EIF3C: variants seen among roughly 807,000 people sequenced by gnomAD.
The protein encoded by EIF3C is eukaryotic translation initiation factor 3 subunit C, also known as cell migration-inducing protein 17.
In EIF3C, 2 loss-of-function variants were observed where a neutral mutation model predicts 11.1. The observed-to-expected ratio is 0.18, with a 90% CI of 0.07 to 0.57. The LOEUF is 0.57. Among genes scored for constraint, EIF3C ranks in the 20% least tolerant of loss-of-function variants. EIF3C has a pLI of 0.92. For synonymous variants in EIF3C, 2 were observed against 41.5 expected, an observed-to-expected ratio of 0.05 and a Z score of 3.66; for missense variants, 16 against 114.6, an observed-to-expected ratio of 0.14 and a Z score of 3.93.
rs1317138831 is a variant in EIF3C, at chr16:28,698,706, A to T, written c.-31+9878A>T. Among the ~76,000 whole-genome samples the T allele has an allele frequency of 1.2e-4, 5 of 42,928 alleles. 1 individual carries two copies. The highest frequency in any genetic ancestry group is 7.6e-5 in the Non-Finnish European group (2 of 26,432). 28.2% of individuals were successfully genotyped at this position (42,928 alleles called of 152,430 possible). ...CAGCTGCCGGGCGGAGGGGCTCCTCACTTCTCAGACGGGGTGGTTGCCAGG... is the reference window on the plus strand; with the variant it reads ...CAGCTGCCGGGCGGAGGGGCTCCTCTCTTCTCAGACGGGGTGGTTGCCAGG... On this transcript the variant is annotated intron_variant, in intron 1 of 20. Transcript: ENST00000566501.
intron 1 of EIF3C, among the ~76,000 whole-genome samples, chr16:28,692,167 C>CT (rs1354755203): frequency 3.0e-5 from 1 of 33,544 alleles, no homozygotes; most frequent in Admixed American, 2.9e-4. Flanking sequence ...CTTTTCTTTT[C>CT]TTTTTTTGTT....
Position 28,723,234 on chromosome 16 carries a change from G to C in EIF3C, c.847G>C (p.Asp283His). ...GGAGGACAAAGCTAAGAAGAAGCAC[G>C]ACAGGAAATCCAAGCGCCTGGATGA... is the stretch of plus-strand genomic sequence containing the variant. ...KREDKAKKKH[D>H]RKSKRLDEEE... The change falls in exon 9 of 21, where the codon GAC becomes CAC. Residue 283 changes from aspartate to histidine, a missense_variant. Asp to His is a moderately conservative substitution (Grantham distance 81). Transcript: ENST00000331666. 3 of 1,614,296 alleles carry C rather than the reference G, an allele frequency of 1.9e-6. No homozygotes were observed. The highest frequency in any genetic ancestry group is 2.5e-6 in the Non-Finnish European group (3 of 1,180,056).
Position 28,697,752 on chromosome 16 carries a change from C to A in EIF3C, c.-31+8924C>A, listed in dbSNP as rs1400973448. Among the ~76,000 whole-genome samples the A allele has an allele frequency of 1.4e-3, 128 of 93,564 alleles. 31 individuals carry two copies. The highest frequency in any genetic ancestry group is 1.8e-3 in the Non-Finnish European group (94 of 52,782). The allele number at this position is 93,564 out of a possible 152,430, so 61.4% of individuals were successfully genotyped here. ...GGCCGGTCAGAGGGGCTCCTCACTT[C>A]CCAGTAGGGGTGGCCGGGCAGAGGC... On this transcript the variant is annotated intron_variant, in intron 1 of 20. Coordinates refer to the EIF3C transcript ENST00000566501.
chr16:28,709,994 CTT>C (rs1276889028), upstream of EIF3C, among the ~76,000 whole-genome samples: 5 of 23,572 alleles, frequency 2.1e-4, no homozygotes, highest in African/African-American at 3.4e-4. Context: ...TTTTTTTTAA[CTT>C]TTTTTTTTTG....
chr16:28,722,828 T>A, intron 8 of EIF3C: 1 of 371,972 alleles, frequency 2.7e-6, no homozygotes, highest in African/African-American at 2.3e-5. Context: ...TAGCTGGGAC[T>A]ACAGGCGTGC....
chr16:28,718,614 G>GTTTTT (rs576228155), intron 8 of EIF3C, among the ~76,000 whole-genome samples: 5 of 45,274 alleles, frequency 1.1e-4, no homozygotes, highest in Non-Finnish European at 9.9e-5. Context: ...CTTGTTTAAA[G>GTTTTT]TTTTTTTTTT....
rs1167126410 is a variant in EIF3C, at chr16:28,693,680, T to C, written c.-31+4852T>C. ...AACACTAACTTTGTTCTTTTTTTTT[T>C]TTTTTTTTCTGAGATAGAGTCTCGC... On this transcript the variant is annotated intron_variant, in intron 1 of 20. Transcript: ENST00000566501. Among the ~76,000 whole-genome samples, 2 of 30,358 alleles carry C rather than the reference T, an allele frequency of 6.6e-5. 1 individual carries two copies. The highest frequency in any genetic ancestry group is 1.1e-4 in the Non-Finnish European group (2 of 17,880). 19.9% of individuals were successfully genotyped at this position (30,358 alleles called of 152,430 possible). A position where few individuals can be genotyped will look rare whatever the true frequency, so the allele number is the denominator to read the frequency against.
At chr16:28,713,053 A>C (rs1466592898) in intron 2 of EIF3C, among the ~76,000 whole-genome samples, 1 of 137,382 alleles carries the variant, frequency 7.3e-6, no homozygotes, top group East Asian at 2.2e-4. Context: ...AGAGGCAGGC[A>C]AGATGGTGCA....
intron 1 of EIF3C, among the ~76,000 whole-genome samples, chr16:28,698,259 A>AC (rs1169783314): frequency 2.6e-5 from 2 of 76,740 alleles, no homozygotes; most frequent in Non-Finnish European, 5.2e-5. Flanking sequence ...GGGGGGGCTG[A>AC]CCCCCCCATC....
chr16:28,730,033 G>GT (rs1163978219), intron 15 of EIF3C, among the ~76,000 whole-genome samples: 2 of 149,650 alleles, frequency 1.3e-5, no homozygotes, highest in Non-Finnish European at 3.0e-5. Context: ...ATTATTGTGT[G>GT]TTTTTTGTTT....
rs1204981872 is a variant in EIF3C at position 28,700,361 on chromosome 16, C to T, written c.-30-11296C>T. 4 of 368,196 alleles carry T rather than the reference C, an allele frequency of 1.1e-5. 2 individuals are homozygous for T. The highest frequency in any genetic ancestry group is 2.0e-5 in the Non-Finnish European group (4 of 199,704). 22.8% of individuals were successfully genotyped at this position (368,196 alleles called of 1,614,324 possible). ...CAGCCGGTCCCTGAACACTCCTCCT[C>T]TCCCTCCTTGGCCTCGCTGACCTCA... On this transcript the variant is annotated intron_variant, in intron 1 of 20. Transcript: ENST00000566501.
At chr16:28,692,628 G>A (rs1317763654) in intron 1 of EIF3C, among the ~76,000 whole-genome samples, 8 of 139,666 alleles carry the variant, frequency 5.7e-5, no homozygotes, top group African/African-American at 1.1e-4. Context: ...GCTTGGTGGC[G>A]GGCACCTGTA....
At chr16:28,698,278 G>C (rs1454216832) in intron 1 of EIF3C, among the ~76,000 whole-genome samples, 2 of 118,980 alleles carry the variant, frequency 1.7e-5, no homozygotes, top group African/African-American at 3.3e-5. Context: ...TCTCCCTCCC[G>C]GACGGGGTGG....
At chr16:28,728,585 A>T (rs2048408037) in intron 15 of EIF3C, among the ~76,000 whole-genome samples, 1 of 102,532 alleles carries the variant, frequency 9.8e-6, no homozygotes, top group African/African-American at 3.6e-5. Context: ...CCCAGGCTGG[A>T]GTGCAGTGGT....
rs547971569 is a variant in EIF3C at position 28,728,492 on chromosome 16, A to G, written c.1818+1247A>G. On this transcript the variant is annotated intron_variant, in intron 15 of 20. Coordinates refer to ENST00000331666, the MANE Select transcript of EIF3C (RefSeq NM_003752.5). The stretch of plus-strand genomic sequence containing the variant: ...TTTAGGGGTTGTGTGTGTATCTTTT[A>G]GGGGGTGTGTGTGTGTGTATCTTTT... 2.2e-4 allele frequency among the ~76,000 whole-genome samples: 17 copies of G among 77,280 alleles called. 2 individuals carry two copies. The East Asian group carries it at 5.4e-3, about 25-fold the overall frequency. 50.7% of individuals were successfully genotyped at this position (77,280 alleles called of 152,430 possible).
At chr16:28,699,746 G>A (rs2048270426) in intron 1 of EIF3C, among the ~76,000 whole-genome samples, 1 of 86,722 alleles carries the variant, frequency 1.2e-5, no homozygotes, top group African/African-American at 5.1e-5. Flanking sequence ...GTTTCACCAT[G>A]TTGGCCAGGC....
chr16:28,698,609 G>T (rs577527647), intron 1 of EIF3C, among the ~76,000 whole-genome samples: 1 of 93,718 alleles, frequency 1.1e-5, no homozygotes, highest in Non-Finnish European at 1.9e-5. Context: ...GGTGGCTGCC[G>T]GGCGGAGACA....
chr16:28,698,535 C>A lies in EIF3C; in HGVS notation c.-31+9707C>A, dbSNP rs1295886873. ...GCGGCTGGCTGGGCGGGGGGCTGAC[C>A]CCCCCCACCTCCCTCCCGGACGGGG... On this transcript the variant is annotated intron_variant, in intron 1 of 20. Transcript: ENST00000566501. Among the ~76,000 whole-genome samples the A allele has an allele frequency of 2.5e-5, 2 of 79,744 alleles. 1 individual carries two copies. Among genetic ancestry groups the A allele is most frequent in the African/African-American group, 1.9e-4 (2 of 10,654 alleles). The allele number at this position is 79,744 out of a possible 152,430, so 52.3% of individuals were successfully genotyped here.
chr16:28,700,059 TG>T lies in EIF3C; in HGVS notation c.-31+11232del, dbSNP rs1285486608. 5.5e-5 allele frequency: 4 copies of T among 73,174 alleles called. 1 individual carries two copies. 4.5% of individuals were successfully genotyped at this position (73,174 alleles called of 1,614,324 possible). A position where few individuals can be genotyped will look rare whatever the true frequency, so the allele number is the denominator to read the frequency against. On this transcript the variant is annotated intron_variant, in intron 1 of 20. Transcript: ENST00000566501. Reference sequence around the variant, plus strand: ...CTTTGGCATGATGCTGATGGGGCGCTGTGGGCAGTGAAGTCCCTTGACTCAA... The same window carrying T: ...CTTTGGCATGATGCTGATGGGGCGCTTGGGCAGTGAAGTCCCTTGACTCAA...
Sources: allele counts gnomAD v4.1 joint callset (sites outside exome capture counted in the v4.1 genomes callset), GRCh38; gene constraint gnomAD v4.1.1; transcripts MANE v1.5; gene names NCBI Gene and HGNC (gene_info 2026-07-23, HGNC 2026-07-21).